ITPRID1: variants seen among roughly 807,000 people sequenced by gnomAD.
The protein encoded by ITPRID1 is protein ITPRID1.
In ITPRID1, 96 loss-of-function variants were observed where a neutral mutation model predicts 95.4. The observed-to-expected ratio is 1.01, with a 90% CI of 0.85 to 1.19. The LOEUF is 1.19. ITPRID1 is among the 50% of genes most tolerant of loss of function. The probability of loss-of-function intolerance (pLI) is 0.00; values close to 1 mark genes in which losing one functional copy is unlikely to be tolerated. For synonymous variants in ITPRID1, 510 were observed against 453.6 expected, an observed-to-expected ratio of 1.12 and a Z score of -1.58; for missense variants, 1,339 against 1,252.9, an observed-to-expected ratio of 1.07 and a Z score of -1.04.
At chr7:31,621,276 G>A (rs1463344509) in intron 10 of ITPRID1, among the ~76,000 whole-genome samples, 33 of 109,566 alleles carry the variant, frequency 3.0e-4, no homozygotes, top group Admixed American at 2.0e-3. Context: ...GATACTCCTC[G>A]AGAAGAGCAA....
chr7:31,580,073 G>A (rs185088205), intron 9 of ITPRID1, among the ~76,000 whole-genome samples: 66 of 152,090 alleles, frequency 4.3e-4, no homozygotes, highest in African/African-American at 1.2e-3. Context: ...CTGAGGCAGC[G>A]GATCACCTGA....
chr7:31,580,604 A>G (rs1272596939), intron 9 of ITPRID1, among the ~76,000 whole-genome samples: 1 of 152,230 alleles, frequency 6.6e-6, no homozygotes. Context: ...CAATTATTCA[A>G]GAAAATACTA....
intron 1 of ITPRID1, among the ~76,000 whole-genome samples, chr7:31,539,631 A>G (rs1312769344): frequency 1.3e-5 from 2 of 152,230 alleles, no homozygotes; most frequent in Admixed American, 1.3e-4. Flanking sequence ...AGAAGCATGA[A>G]AAACAGTTCA....
intron 10 of ITPRID1, among the ~76,000 whole-genome samples, chr7:31,634,534 G>A (rs920871773): frequency 2.0e-5 from 3 of 152,258 alleles, no homozygotes; most frequent in African/African-American, 7.2e-5. Context: ...CCTCTAAGTA[G>A]GAGAGTCAGA....
At chr7:31,645,633 A>G (rs545302883) in intron 12 of ITPRID1, among the ~76,000 whole-genome samples, 14 of 152,284 alleles carry the variant, frequency 9.2e-5, no homozygotes, top group African/African-American at 3.1e-4. Flanking sequence ...CATTATTTAC[A>G]TCATTTGTTG....
intron 10 of ITPRID1, among the ~76,000 whole-genome samples, chr7:31,622,120 C>A (rs1308685257): frequency 3.7e-5 from 5 of 136,870 alleles, no homozygotes; most frequent in African/African-American, 8.2e-5. Context: ...CCTGAGTGAC[C>A]TACAAAGAGA....
intron 10 of ITPRID1, among the ~76,000 whole-genome samples, chr7:31,614,161 A>G (rs1353777872): frequency 6.6e-6 from 1 of 152,094 alleles, no homozygotes; most frequent in Non-Finnish European, 1.5e-5. Context: ...ATTGTCATTT[A>G]GTCTAAACCA....
intron 10 of ITPRID1, among the ~76,000 whole-genome samples, chr7:31,596,058 C>A (rs1786076161): frequency 6.6e-6 from 1 of 151,256 alleles, no homozygotes; most frequent in Non-Finnish European, 1.5e-5. Flanking sequence ...TTGCATATGT[C>A]ATTTATTTAT....
At chr7:31,542,306 G>A (rs1783958479) in intron 1 of ITPRID1, among the ~76,000 whole-genome samples, 1 of 152,164 alleles carries the variant, frequency 6.6e-6, no homozygotes, top group Admixed American at 6.6e-5. Context: ...CGCAAGTTGT[G>A]CAGCGAAGAG....
chr7:31,632,308 C>T (rs1181014442), intron 10 of ITPRID1, among the ~76,000 whole-genome samples: 1 of 152,002 alleles, frequency 6.6e-6, no homozygotes, highest in Non-Finnish European at 1.5e-5. Flanking sequence ...ATTAGCCAGG[C>T]GTGGTGGCAC....
At chr7:31,516,222 C>T (rs1381738190) in intron 1 of ITPRID1, among the ~76,000 whole-genome samples, 1 of 152,074 alleles carries the variant, frequency 6.6e-6, no homozygotes, top group Non-Finnish European at 1.5e-5. Context: ...TGCATAATCA[C>T]CTGGATGTCT....
At chr7:31,550,041 A>G (rs1318145096) in intron 2 of ITPRID1, among the ~76,000 whole-genome samples, 2 of 152,206 alleles carry the variant, frequency 1.3e-5, no homozygotes, top group Admixed American at 6.5e-5. Flanking sequence ...AATGTGAAGT[A>G]GAATTAATGT....
At chr7:31,658,393 T>C (rs2128224569), downstream of ITPRID1, 1 of 1,492,990 alleles carries the variant, frequency 6.7e-7, no homozygotes, top group Non-Finnish European at 8.8e-7. Context: ...TCTGTTGTAA[T>C]TGTTTTTCTT....
rs537786698 is a variant in ITPRID1, at chr7:31,569,790, A to G, written c.289A>G (p.Thr97Ala). 2 of 1,586,506 alleles carry G rather than the reference A, an allele frequency of 1.3e-6. No individual in the cohort carries two copies. The highest frequency in any genetic ancestry group is 2.7e-5 in the African/African-American group (2 of 74,766). The change falls in exon 6 of 15, where the codon ACT (threonine) becomes GCT (alanine). Residue 97 changes from threonine to alanine, a missense_variant. Thr to Ala is a moderately conservative substitution (Grantham distance 58). Transcript: ENST00000615280. Reference sequence around the variant, plus strand: ...GTATGAACAAGGGATGGTTCAAATGACTGTGAAAGACTACATGAGGTAGGT... The same window carrying G: ...GTATGAACAAGGGATGGTTCAAATGGCTGTGAAAGACTACATGAGGTAGGT... ...SLYEQGMVQM[T>A]VKDYMRSLHQ...
intron 10 of ITPRID1, among the ~76,000 whole-genome samples, chr7:31,637,717 C>G (rs1789626410): frequency 6.6e-6 from 1 of 152,164 alleles, no homozygotes; most frequent in Non-Finnish European, 1.5e-5. Flanking sequence ...GTTTCTATTG[C>G]TGTGCAGAAG....
intron 1 of ITPRID1, among the ~76,000 whole-genome samples, chr7:31,515,226 A>G (rs576284663): frequency 6.6e-6 from 1 of 152,260 alleles, no homozygotes; most frequent in South Asian, 2.1e-4. Context: ...CTCCACTAGA[A>G]AAATACATGA....
At chr7:31,657,226 G>A (rs900315932), downstream of ITPRID1, among the ~76,000 whole-genome samples, 5 of 31,002 alleles carry the variant, frequency 1.6e-4, no homozygotes, top group African/African-American at 6.3e-4. Flanking sequence ...CTAAGCTCTG[G>A]CAACCATTAA....
At chr7:31,616,528 G>A (rs1238029420) in intron 10 of ITPRID1, among the ~76,000 whole-genome samples, 3 of 151,444 alleles carry the variant, frequency 2.0e-5, no homozygotes, top group Non-Finnish European at 2.9e-5. Flanking sequence ...GGAGAAGGAG[G>A]TCATCTGCCC....
intron 9 of ITPRID1, 115 bp downstream of exon 9, chr7:31,578,549 T>C (rs1265753414): frequency 2.7e-6 from 2 of 742,942 alleles, no homozygotes; most frequent in Middle Eastern, 3.0e-4. Context: ...CATTACTTCT[T>C]AGTGTTCTGA....
Sources: allele counts gnomAD v4.1 joint callset (sites outside exome capture counted in the v4.1 genomes callset), GRCh38; gene constraint gnomAD v4.1.1; transcripts MANE v1.5; gene names NCBI Gene and HGNC (gene_info 2026-07-23, HGNC 2026-07-21).